PDE11A: variants seen among roughly 807,000 people sequenced by gnomAD.
PDE11A encodes the protein dual 3',5'-cyclic-AMP and -GMP phosphodiesterase 11A.
Under a neutral mutation model 100.5 loss-of-function variants are expected in PDE11A, and 100 were observed. The ratio of observed to expected loss-of-function variants is 1.00; its 90% CI spans 0.85 to 1.18. PDE11A has a LOEUF of 1.18. Ranked by LOEUF, PDE11A falls within the 50% of genes most tolerant of loss-of-function variation. The probability of loss-of-function intolerance (pLI) is 0.00; values close to 1 mark genes in which losing one functional copy is unlikely to be tolerated. For missense variants in PDE11A, 1,141 were observed against 1,152.6 expected, an observed-to-expected ratio of 0.99 and a Z score of 0.15; for synonymous variants, 381 against 420.8, an observed-to-expected ratio of 0.91 and a Z score of 1.16.
chr2:177,751,933 A>T (rs1319901468), intron 10 of PDE11A, among the ~76,000 whole-genome samples: 1 of 152,148 alleles, frequency 6.6e-6, no homozygotes, highest in Non-Finnish European at 1.5e-5. Context: ...GACTGTGGAA[A>T]GGGAAGCCCA....
chr2:178,100,294 G>C (rs1258999145), intron 2 of PDE11A, among the ~76,000 whole-genome samples: 1 of 152,116 alleles, frequency 6.6e-6, no homozygotes, highest in Non-Finnish European at 1.5e-5. Flanking sequence ...ATAATCATGA[G>C]TTTTGTAAAA....
chr2:177,931,486 A>G (rs1405753866), intron 2 of PDE11A, among the ~76,000 whole-genome samples: 1 of 152,196 alleles, frequency 6.6e-6, no homozygotes, highest in Non-Finnish European at 1.5e-5. Flanking sequence ...AGAAATCAAT[A>G]CCAAGAAGAG....
chr2:177,625,461 A>C lies in PDE11A; in HGVS notation c.*3946T>G, dbSNP rs946098042. On this transcript the variant is annotated 3_prime_UTR_variant, in exon 20 of 20. Transcript: ENST00000286063. ...TGAATGGCACCCTTTGCAGTATGTG[A>C]AGCTGTCCCTACCCACCAGGATTGC... 2.0e-5 allele frequency: 3 copies of C among 152,580 alleles called. No individual in the cohort carries two copies. Among genetic ancestry groups the C allele is most frequent in the Non-Finnish European group, 4.4e-5 (3 of 68,052 alleles). 9.5% of individuals were successfully genotyped at this position (152,580 alleles called of 1,614,324 possible). A position where few individuals can be genotyped will look rare whatever the true frequency, so the allele number is the denominator to read the frequency against.
chr2:177,784,310 T>C (rs1293043568), intron 9 of PDE11A, among the ~76,000 whole-genome samples: 1 of 151,546 alleles, frequency 6.6e-6, no homozygotes, highest in Non-Finnish European at 1.5e-5. Flanking sequence ...TATACACTAA[T>C]TATAATATAT....
intron 1 of PDE11A, among the ~76,000 whole-genome samples, chr2:178,032,293 T>A (rs2086558587): frequency 6.6e-6 from 1 of 152,122 alleles, no homozygotes; most frequent in Non-Finnish European, 1.5e-5. Context: ...AATGCAAATT[T>A]CTATAAGATC....
chr2:178,085,417 C>T (rs893861820), intron 2 of PDE11A, among the ~76,000 whole-genome samples: 9 of 152,036 alleles, frequency 5.9e-5, no homozygotes, highest in Non-Finnish European at 1.2e-4. Context: ...TAAAAACTAC[C>T]TATCAGATAC....
intron 16 of PDE11A, among the ~76,000 whole-genome samples, chr2:177,677,617 G>A (rs981253258): frequency 2.0e-5 from 3 of 152,086 alleles, no homozygotes; most frequent in African/African-American, 7.2e-5. Context: ...AGGAGAGGGT[G>A]GAAGGAAGGA....
intron 2 of PDE11A, among the ~76,000 whole-genome samples, chr2:177,923,821 ACTT>A (rs1191323250): frequency 6.6e-6 from 1 of 152,252 alleles, no homozygotes; most frequent in Non-Finnish European, 1.5e-5. Flanking sequence ...TTTGAAATCT[ACTT>A]CTAAAAATAT....
intron 10 of PDE11A, among the ~76,000 whole-genome samples, chr2:177,748,818 C>A (rs954188276): frequency 2.6e-5 from 4 of 152,000 alleles, no homozygotes; most frequent in Non-Finnish European, 5.9e-5. Flanking sequence ...AATGAAGGAT[C>A]TATGAAAATA....
intron 2 of PDE11A, among the ~76,000 whole-genome samples, chr2:178,100,814 G>A (rs1426239694): frequency 3.3e-5 from 5 of 151,996 alleles, no homozygotes; most frequent in South Asian, 2.1e-4. Context: ...TCAAATCAAC[G>A]CTATTGAGGA....
intron 2 of PDE11A, among the ~76,000 whole-genome samples, chr2:177,918,693 A>G (rs1397392038): frequency 6.6e-6 from 1 of 152,306 alleles, no homozygotes; most frequent in East Asian, 1.9e-4. Flanking sequence ...TTTTTGCCAT[A>G]ATCTCAAACT....
intron 5 of PDE11A, among the ~76,000 whole-genome samples, chr2:177,863,282 TG>T (rs1300147248): frequency 1.3e-5 from 2 of 151,982 alleles, no homozygotes; most frequent in African/African-American, 4.8e-5. Context: ...CATGATTTTT[TG>T]AATATCACAC....
intron 19 of PDE11A, among the ~76,000 whole-genome samples, chr2:177,632,922 A>G (rs2079975849): frequency 6.6e-6 from 1 of 152,192 alleles, no homozygotes; most frequent in Admixed American, 6.5e-5. Flanking sequence ...ACAGATCTGG[A>G]CTGCCAGCCA....
intron 2 of PDE11A, among the ~76,000 whole-genome samples, chr2:177,961,786 T>C (rs1403168491): frequency 1.3e-5 from 2 of 151,992 alleles, no homozygotes; most frequent in African/African-American, 4.8e-5. Flanking sequence ...ATAAAAATGT[T>C]TGTCTATGTA....
intron 2 of PDE11A, among the ~76,000 whole-genome samples, chr2:177,966,993 C>T (rs571503140): frequency 2.0e-5 from 3 of 152,026 alleles, no homozygotes; most frequent in East Asian, 3.9e-4. Flanking sequence ...AGGTTTTCTT[C>T]TGGTTGGTAG....
At chr2:178,025,854 A>G (rs888848483) in intron 1 of PDE11A, among the ~76,000 whole-genome samples, 1 of 152,186 alleles carries the variant, frequency 6.6e-6, no homozygotes, top group African/African-American at 2.4e-5. Flanking sequence ...ACACAGTGAG[A>G]CCATCTAAGA....
At chr2:177,887,534 T>C (rs907756206) in intron 4 of PDE11A, among the ~76,000 whole-genome samples, 2 of 151,682 alleles carry the variant, frequency 1.3e-5, no homozygotes, top group African/African-American at 4.8e-5. Flanking sequence ...GAGGCCAAAG[T>C]GGAAGGATTG....
intron 5 of PDE11A, among the ~76,000 whole-genome samples, chr2:177,845,708 G>A (rs1281330690): frequency 2.6e-5 from 4 of 152,262 alleles, no homozygotes; most frequent in East Asian, 1.9e-4. Flanking sequence ...GTAGCAAGCC[G>A]AGATCAAGCC....
At chr2:177,855,470 A>T (rs2083815406) in intron 5 of PDE11A, among the ~76,000 whole-genome samples, 1 of 152,080 alleles carries the variant, frequency 6.6e-6, no homozygotes, top group South Asian at 2.1e-4. Flanking sequence ...CAGGAAAAAC[A>T]GCAAGATCTA....
Sources: gnomAD v4.1 joint callset for allele counts (sites outside exome capture counted in the v4.1 genomes callset) on GRCh38, gnomAD v4.1.1 for gene constraint, MANE v1.5 for transcripts, NCBI Gene and HGNC (gene_info 2026-07-23, HGNC 2026-07-21) for gene names.